The following CNTN6 variants were observed in gnomAD, a reference collection of about 807,000 sequenced individuals.
CNTN6 encodes the protein contactin 6.
Under a neutral mutation model 122.8 loss-of-function variants are expected in CNTN6, and 137 were observed. The observed-to-expected ratio is 1.12, with a 90% CI of 0.97 to 1.29. CNTN6 has a LOEUF of 1.29. Among genes scored for constraint, CNTN6 ranks in the 50% most tolerant of loss-of-function variants. The pLI is 0.00. For missense variants in CNTN6, 1,634 were observed against 1,223.4 expected (o/e 1.34, Z -5.01); for synonymous variants, 570 against 426.0 (o/e 1.34, Z -4.16).
intron 11 of CNTN6, among the ~76,000 whole-genome samples, chr3:1,335,341 C>T (rs936723574): frequency 2.0e-5 from 3 of 152,136 alleles, no homozygotes; most frequent in Non-Finnish European, 2.9e-5. Context: ...GGAACAACCA[C>T]GGAAAATCAG....
intron 12 of CNTN6, among the ~76,000 whole-genome samples, chr3:1,367,762 T>C (rs1160711872): frequency 6.6e-6 from 1 of 152,048 alleles, no homozygotes; most frequent in Non-Finnish European, 1.5e-5. Flanking sequence ...CCTGAGGGCA[T>C]GGGCACATCA....
At chr3:1,117,938 T>C (rs895902597) in intron 1 of CNTN6, among the ~76,000 whole-genome samples, 4 of 152,270 alleles carry the variant, frequency 2.6e-5, no homozygotes, top group African/African-American at 9.6e-5. Context: ...CTGCACATTT[T>C]ACTGAATTTT....
intron 5 of CNTN6, among the ~76,000 whole-genome samples, chr3:1,280,023 A>G (rs1693092966): frequency 6.6e-6 from 1 of 152,186 alleles, no homozygotes; most frequent in South Asian, 2.1e-4. Context: ...ACGGTATAGA[A>G]GATTATTTTC....
intron 1 of CNTN6, among the ~76,000 whole-genome samples, chr3:1,116,939 A>G (rs944129131): frequency 6.6e-6 from 1 of 152,040 alleles, no homozygotes; most frequent in African/African-American, 2.4e-5. Context: ...TCCTGACCTC[A>G]AGTGATCCAC....
At chr3:1,240,501 A>G (rs1240226333) in intron 4 of CNTN6, among the ~76,000 whole-genome samples, 2 of 152,202 alleles carry the variant, frequency 1.3e-5, no homozygotes, top group East Asian at 1.9e-4. Flanking sequence ...AAGAATTGCC[A>G]TAATCAAAAA....
chr3:1,233,517 C>T (rs1281594540), intron 4 of CNTN6, among the ~76,000 whole-genome samples: 1 of 151,906 alleles, frequency 6.6e-6, no homozygotes, highest in Non-Finnish European at 1.5e-5. Flanking sequence ...GGGCGGATCA[C>T]AAGGTCAGGA....
At chr3:1,114,916 G>T (rs1358355906) in intron 1 of CNTN6, among the ~76,000 whole-genome samples, 2 of 152,202 alleles carry the variant, frequency 1.3e-5, no homozygotes, top group Admixed American at 1.3e-4. Flanking sequence ...AGGCTCAGAA[G>T]CTGGGCATCT....
intron 16 of CNTN6, among the ~76,000 whole-genome samples, chr3:1,375,332 C>T (rs760240436): frequency 5.9e-5 from 9 of 152,004 alleles, no homozygotes; most frequent in Non-Finnish European, 8.8e-5. Flanking sequence ...GTTTCAGTAG[C>T]AGAATGAGAC....
chr3:1,394,303 G>T, intron 20 of CNTN6: 1 of 188,102 alleles, frequency 5.3e-6, no homozygotes, highest in Non-Finnish European at 1.1e-5. Flanking sequence ...ACGGCCCCCC[G>T]AAACAGGGCT....
At chr3:1,253,510 G>A (rs1306457865) in intron 4 of CNTN6, among the ~76,000 whole-genome samples, 4 of 152,156 alleles carry the variant, frequency 2.6e-5, no homozygotes, top group African/African-American at 9.7e-5. Flanking sequence ...TGGTTAAGCA[G>A]TCATGCGTAT....
At chr3:1,398,003 T>A (rs1392849867) in intron 20 of CNTN6, among the ~76,000 whole-genome samples, 1 of 152,100 alleles carries the variant, frequency 6.6e-6, no homozygotes, top group Non-Finnish European at 1.5e-5. Flanking sequence ...GCTAGTTTAA[T>A]GTTGCTCTGT....
chr3:1,342,479 A>G (rs1704043702), intron 11 of CNTN6, among the ~76,000 whole-genome samples: 2 of 152,010 alleles, frequency 1.3e-5, no homozygotes, highest in South Asian at 4.1e-4. Context: ...AGCAAATTGG[A>G]TTTATTTGTT....
chr3:1,398,344 A>G (rs764963712), intron 20 of CNTN6, among the ~76,000 whole-genome samples: 1 of 152,180 alleles, frequency 6.6e-6, no homozygotes, highest in Non-Finnish European at 1.5e-5. Context: ...AGAAACATCC[A>G]TTGATAAAAA....
chr3:1,258,286 A>G (rs1248289429), intron 4 of CNTN6, among the ~76,000 whole-genome samples: 2 of 152,144 alleles, frequency 1.3e-5, no homozygotes, highest in Non-Finnish European at 2.9e-5. Flanking sequence ...TGAAATTCCA[A>G]TAAATTATTG....
At chr3:1,328,018 A>G (rs1221182777) in intron 10 of CNTN6, among the ~76,000 whole-genome samples, 2 of 151,864 alleles carry the variant, frequency 1.3e-5, no homozygotes, top group African/African-American at 4.8e-5. Context: ...AAAATCCTTT[A>G]CACCTTCCCT....
At chr3:1,125,168 A>T (rs1574939141) in intron 1 of CNTN6, among the ~76,000 whole-genome samples, 1 of 152,014 alleles carries the variant, frequency 6.6e-6, no homozygotes, top group Admixed American at 6.6e-5. Context: ...ACCAATGGAA[A>T]TATTTTTATT....
chr3:1,258,030 C>G (rs1383195566), intron 4 of CNTN6, among the ~76,000 whole-genome samples: 1 of 152,118 alleles, frequency 6.6e-6, no homozygotes, highest in Non-Finnish European at 1.5e-5. Flanking sequence ...TGTTTGCCCC[C>G]TCTGCATTTC....
chr3:1,140,673 C>A (rs2092587872), intron 1 of CNTN6, among the ~76,000 whole-genome samples: 1 of 152,082 alleles, frequency 6.6e-6, no homozygotes, highest in Non-Finnish European at 1.5e-5. Flanking sequence ...CTCTTGATGA[C>A]TGAGTTAAGT....
intron 2 of CNTN6, among the ~76,000 whole-genome samples, chr3:1,202,657 A>G (rs938244221): frequency 5.3e-5 from 8 of 152,200 alleles, no homozygotes; most frequent in Non-Finnish European, 1.2e-4. Flanking sequence ...GTCTTCAAAC[A>G]TTGAAGTAAG....
Sources: gnomAD v4.1 joint callset for allele counts (sites outside exome capture counted in the v4.1 genomes callset) on GRCh38, gnomAD v4.1.1 for gene constraint, MANE v1.5 for transcripts, NCBI Gene and HGNC (gene_info 2026-07-23, HGNC 2026-07-21) for gene names.